The following DCP2 variants were observed in gnomAD, a reference collection of about 807,000 sequenced individuals.
The protein encoded by DCP2 is m7GpppN-mRNA hydrolase.
DCP2 carries 30 observed loss-of-function variants against 56.1 expected under a neutral mutation model. The observed-to-expected ratio is 0.53, with a 90% CI of 0.40 to 0.73. The LOEUF (loss-of-function observed/expected upper bound fraction) is 0.73. DCP2 is among the 30% of genes least tolerant of loss of function. The pLI, the probability that DCP2 is intolerant of heterozygous loss-of-function variation, is 0.00. For synonymous variants in DCP2, 197 were observed against 163.3 expected (o/e 1.21, Z -1.57); for missense variants, 533 against 502.7 (o/e 1.06, Z -0.58).
chr5:113,011,010 G>C (rs1749660192), intron 10 of DCP2, among the ~76,000 whole-genome samples: 1 of 152,174 alleles, frequency 6.6e-6, no homozygotes, highest in African/African-American at 2.4e-5. Context: ...CTTGCCTTCA[G>C]ACTGTGCCGT....
chr5:113,009,525 G>A (rs1413214210), intron 9 of DCP2, among the ~76,000 whole-genome samples: 4 of 152,082 alleles, frequency 2.6e-5, no homozygotes, highest in African/African-American at 9.7e-5. Context: ...ATTACTAATT[G>A]GTACAACCTT....
In DCP2 at chr5:112,976,912, G is replaced by A. The variant is rs766386291; in HGVS notation, c.-22G>A. 6 of 1,613,770 alleles carry A rather than the reference G, an allele frequency of 3.7e-6. No individual in the cohort carries two copies. The highest frequency in any genetic ancestry group is 2.2e-5 in the East Asian group (1 of 44,854). Reference sequence around the variant, plus strand: ...CGGCCGCGCGGAGCCGGGATGCACTGTTCCTGCTGTGGGTCCTCATCATGG... The same window carrying A: ...CGGCCGCGCGGAGCCGGGATGCACTATTCCTGCTGTGGGTCCTCATCATGG... On this transcript the variant is annotated 5_prime_UTR_variant, in exon 1 of 11. Coordinates refer to ENST00000389063, the MANE Select transcript of DCP2 (RefSeq NM_152624.6).
chr5:112,977,824 T>A (rs1747789840), intron 1 of DCP2, among the ~76,000 whole-genome samples: 1 of 152,178 alleles, frequency 6.6e-6, no homozygotes, highest in African/African-American at 2.4e-5. Context: ...GGATTGTGAT[T>A]ACAAGTGATA....
Position 112,992,686 on chromosome 5 carries a change from G to A in DCP2, c.348G>A (p.Gln116=). 1 of 1,582,592 alleles carries A rather than the reference G, an allele frequency of 6.3e-7. No homozygotes were observed. The highest frequency in any genetic ancestry group is 8.5e-7 in the Non-Finnish European group (1 of 1,170,492). ...DETLENVLLV[Q]GYLAKSGWGF... is the part of the protein sequence containing the mutation. ...TTGTTTTGTAGGTACTACTAGTTCA[G>A]GGGTACCTAGCAAAATCAGGCTGGG... is the stretch of plus-strand genomic sequence containing the variant. The change falls in exon 4 of 11, where the codon CAG becomes CAA. Residue 116 remains glutamine, a synonymous_variant. Transcript: ENST00000389063.
intron 1 of DCP2, among the ~76,000 whole-genome samples, chr5:112,983,440 A>G (rs1748104111): frequency 1.3e-5 from 2 of 152,212 alleles, no homozygotes; most frequent in Admixed American, 6.5e-5. Context: ...GGGGTCTCAC[A>G]TTGTTGACCA....
In DCP2 at chr5:113,021,626, G is replaced by A. The variant is rs1750138896; in HGVS notation, c.*8142G>A. ...GAAAGAAATACATTCTTTTCCATTA[G>A]AGACCTCAGCTATATGATAGTAACT... On this transcript the variant is annotated 3_prime_UTR_variant, in exon 11 of 11. Coordinates refer to ENST00000389063, the MANE Select transcript of DCP2 (RefSeq NM_152624.6). Among the ~76,000 whole-genome samples, 3 of 152,256 alleles carry A rather than the reference G, an allele frequency of 2.0e-5. No individual in the cohort carries two copies. In the East Asian group the frequency reaches 5.8e-4, roughly 29 times the overall value.
At chr5:112,991,791 T>C (rs926422379) in intron 2 of DCP2, among the ~76,000 whole-genome samples, 4 of 152,232 alleles carry the variant, frequency 2.6e-5, no homozygotes, top group Admixed American at 6.5e-5. Flanking sequence ...TCTAGGTGTT[T>C]ACATGGTCCA....
intron 4 of DCP2, among the ~76,000 whole-genome samples, chr5:112,995,391 G>A (rs1471716478): frequency 6.6e-6 from 1 of 152,132 alleles, no homozygotes; most frequent in African/African-American, 2.4e-5. Context: ...TTATAAGGAA[G>A]GAGAAAATAG....
Position 113,001,106 on chromosome 5 carries a change from A to C in DCP2, c.455A>C (p.Asp152Ala). ...CAGGTCTTTGAAGAAACTGGTTTTG[A>C]TATCAAAGACTATATTTGTAAGGAT... ...AREVFEETGFDIKDYICKDDY... is the reference protein window; with the variant it reads ...AREVFEETGFAIKDYICKDDY... The change falls in exon 5 of 11, where the codon GAT becomes GCT. Residue 152 changes from aspartate (D) to alanine (A), a missense_variant. Physicochemically the swap from Asp to Ala is moderately radical, Grantham distance 126 (BLOSUM62 -2). Coordinates refer to ENST00000389063, the MANE Select transcript of DCP2 (RefSeq NM_152624.6). The C allele has an allele frequency of 6.2e-7, 1 of 1,606,166 alleles. No individual in the cohort carries two copies. The highest frequency in any genetic ancestry group is 8.5e-7 in the Non-Finnish European group (1 of 1,176,958).
chr5:112,997,357 G>T (rs1359045088), intron 4 of DCP2, among the ~76,000 whole-genome samples: 1 of 152,190 alleles, frequency 6.6e-6, no homozygotes. Flanking sequence ...TTGAGAATAA[G>T]CGAATAATAC....
rs1749301489 is a variant in DCP2 at position 113,004,022 on chromosome 5, T to G, written c.887T>G (p.Leu296Arg). 1 of 1,614,024 alleles carries G rather than the reference T, an allele frequency of 6.2e-7. No individual in the cohort carries two copies. Among genetic ancestry groups the G allele is most frequent in the South Asian group, 1.1e-5 (1 of 91,084 alleles). The change falls in exon 8 of 11, where the codon CTG becomes CGG. Residue 296 changes from leucine (L) to arginine (R), a missense_variant. By Grantham distance (102) the Leu-to-Arg change is moderately radical. Coordinates refer to ENST00000389063, the MANE Select transcript of DCP2 (RefSeq NM_152624.6). Reference sequence around the variant, plus strand: ...CAGTGGGTAAAGCACAGGCAACCACTGCAGCAAAAGCCATATAATAATCAT... The same window carrying G: ...CAGTGGGTAAAGCACAGGCAACCACGGCAGCAAAAGCCATATAATAATCAT... ...GDQWVKHRQPLQQKPYNNHSE... is the reference protein window; with the variant it reads ...GDQWVKHRQPRQQKPYNNHSE...
At position 113,013,595 on chromosome 5, in the gene DCP2, A is replaced by G. The variant is rs983523645; in HGVS notation, c.*111A>G. 2.2e-5 allele frequency: 29 copies of G among 1,289,042 alleles called. No individual in the cohort carries two copies. Among genetic ancestry groups the G allele is most frequent in the Non-Finnish European group, 2.9e-5 (27 of 933,820 alleles). 79.9% of individuals were successfully genotyped at this position (1,289,042 alleles called of 1,614,324 possible). The stretch of plus-strand genomic sequence containing the variant: ...TGTTTTAAAGAAATGCAGGGAGGCA[A>G]TGTTTCTGAAGACATTTTCTGTTTA... On this transcript the variant is annotated 3_prime_UTR_variant, in exon 11 of 11. Transcript: ENST00000389063.
chr5:113,012,438 G>C (rs1368260155), intron 10 of DCP2, among the ~76,000 whole-genome samples: 1 of 152,122 alleles, frequency 6.6e-6, no homozygotes. Context: ...GAGTTGTCTT[G>C]AGAAGTGTGA....
intron 9 of DCP2, 124 bp from the exon 10 acceptor site, chr5:113,010,632 A>G (rs1749642071): frequency 9.0e-6 from 10 of 1,106,886 alleles, no homozygotes; most frequent in African/African-American, 1.6e-5. Context: ...GATGATGATT[A>G]TATTCCTGGT....
intron 1 of DCP2, among the ~76,000 whole-genome samples, chr5:112,977,995 T>G (rs1409030438): frequency 6.6e-6 from 1 of 152,182 alleles, no homozygotes; most frequent in African/African-American, 2.4e-5. Flanking sequence ...TTTTATTTTT[T>G]GAGACGGAGC....
intron 2 of DCP2, among the ~76,000 whole-genome samples, chr5:112,991,327 A>G (rs1748577527): frequency 6.6e-6 from 1 of 152,206 alleles, no homozygotes; most frequent in Admixed American, 6.5e-5. Flanking sequence ...TAAAATTAAC[A>G]GTATTATAGT....
Position 113,001,656 on chromosome 5 carries a change from C to T in DCP2, c.788C>T (p.Pro263Leu), listed in dbSNP as rs991328600. The change falls in exon 7 of 11, where the codon CCC becomes CTC. Residue 263 changes from proline (P) to leucine (L), a missense_variant. By Grantham distance (98) the Pro-to-Leu change is moderately conservative. Around this residue, in one of 3 missense-constraint regions of DCP2, gnomAD observed 392 missense variants for 346.6 expected, o/e 1.13. Transcript: ENST00000389063. ...TCAACTGGTAGCACGCCGGCTAAAC[C>T]CACTGTGGAAAAATTGAGGTAAAGA... ...FSSTGSTPAK[P>L]TVEKLSRTKF... is the part of the protein sequence containing the mutation. The T allele has an allele frequency of 3.1e-6, 5 of 1,614,024 alleles. No homozygotes were observed. Among genetic ancestry groups the T allele is most frequent in the Non-Finnish European group, 3.4e-6 (4 of 1,179,944 alleles).
chr5:112,987,909 G>A (rs143304571), intron 2 of DCP2, among the ~76,000 whole-genome samples: 2 of 151,962 alleles, frequency 1.3e-5, no homozygotes, highest in East Asian at 3.9e-4. Context: ...GATTATAGGT[G>A]CTACCGCACC....
chr5:113,007,400 CTTTTT>C (rs869106469), intron 8 of DCP2, among the ~76,000 whole-genome samples: 3 of 48,946 alleles, frequency 6.1e-5, no homozygotes, highest in African/African-American at 2.9e-4. Context: ...TTCTTTCTTT[CTTTTT>C]TTTTTTTTTG....
Sources: allele counts gnomAD v4.1 joint callset (sites outside exome capture counted in the v4.1 genomes callset), GRCh38; gene constraint gnomAD v4.1.1; regional missense constraint gnomAD v4.1.1; transcripts MANE v1.5; gene names NCBI Gene and HGNC (gene_info 2026-07-23, HGNC 2026-07-21).